The following POGLUT1 variants were observed in gnomAD, a reference collection of about 807,000 sequenced individuals.
POGLUT1 encodes 9630046K23Rik.
Under a neutral mutation model 61.3 loss-of-function variants are expected in POGLUT1, and 32 were observed. The observed-to-expected ratio is 0.52, with a 90% CI of 0.39 to 0.70. The LOEUF (loss-of-function observed/expected upper bound fraction) is 0.70. POGLUT1 is among the 30% of genes least tolerant of loss of function. The pLI is 0.00. For missense variants in POGLUT1, 411 were observed against 469.8 expected (o/e 0.87, Z 1.16); for synonymous variants, 158 against 158.2 (o/e 1.00, Z 0.01).
chr3:119,478,493 C>T (rs1219410554), intron 4 of POGLUT1: 10 of 446,836 alleles, frequency 2.2e-5, no homozygotes, highest in Middle Eastern at 3.3e-4. Flanking sequence ...GTAGGGACTT[C>T]GTGTTTGTTA....
At chr3:119,470,801 A>T (rs1183396384) in intron 2 of POGLUT1, among the ~76,000 whole-genome samples, 1 of 152,212 alleles carries the variant, frequency 6.6e-6, no homozygotes, top group Non-Finnish European at 1.5e-5. Context: ...TGCTTATGAT[A>T]CTTATTGAAA....
chr3:119,481,793 T>G (rs2081608400), intron 5 of POGLUT1, among the ~76,000 whole-genome samples: 1 of 152,242 alleles, frequency 6.6e-6, no homozygotes, highest in South Asian at 2.1e-4. Context: ...GGTTTCCAAG[T>G]GCATTATCCA....
intron 1 of POGLUT1, among the ~76,000 whole-genome samples, chr3:119,469,457 A>G (rs1342189675): frequency 6.6e-6 from 1 of 152,238 alleles, no homozygotes; most frequent in Non-Finnish European, 1.5e-5. Flanking sequence ...GTGTGTGTAT[A>G]TGCGTTGCCA....
chr3:119,469,169 G>T (rs776253172), intron 1 of POGLUT1, 63 bp downstream of exon 1: 6 of 1,314,570 alleles, frequency 4.6e-6, no homozygotes, highest in Non-Finnish European at 6.4e-6. Context: ...GTCCCGAGGC[G>T]CTCCCCCGCG....
At chr3:119,473,689 C>T (rs1407593815) in intron 3 of POGLUT1, among the ~76,000 whole-genome samples, 2 of 147,984 alleles carry the variant, frequency 1.4e-5, no homozygotes, top group African/African-American at 2.5e-5. Flanking sequence ...GAGAGAGAAT[C>T]TCACTCTGTC....
rs1424774886 is a variant in POGLUT1, at chr3:119,469,297, G to A, written c.85+191G>A. 3 of 599,170 alleles carry A rather than the reference G, an allele frequency of 5.0e-6. No individual in the cohort carries two copies. In the South Asian group the frequency reaches 5.9e-5, roughly 12 times the overall value. 37.1% of individuals were successfully genotyped at this position (599,170 alleles called of 1,614,324 possible). A position where few individuals can be genotyped will look rare whatever the true frequency, so the allele number is the denominator to read the frequency against. On this transcript the variant is annotated intron_variant, in intron 1 of 10. Coordinates refer to ENST00000295588, the MANE Select transcript of POGLUT1 (RefSeq NM_152305.3). ...GTCTCTGCTCCTGCTCTGGACCCTGGAGAGTAACCCATTCCCCGGAATTCA... is the reference window on the plus strand; with the variant it reads ...GTCTCTGCTCCTGCTCTGGACCCTGAAGAGTAACCCATTCCCCGGAATTCA...
In POGLUT1 at chr3:119,492,955, G is replaced by A. The variant is rs193061392; in HGVS notation, c.*517G>A. 2 of 152,694 alleles carry A rather than the reference G, an allele frequency of 1.3e-5. No individual in the cohort carries two copies. The highest frequency in any genetic ancestry group is 4.8e-5 in the African/African-American group (2 of 41,546). 9.5% of individuals were successfully genotyped at this position (152,694 alleles called of 1,614,324 possible). ...ATACTTGGGGATCATTCTCTGAATG[G>A]TCTAAGGAAGCGGTAGCCATGCCAT... is the stretch of plus-strand genomic sequence containing the variant. On this transcript the variant is annotated 3_prime_UTR_variant, in exon 11 of 11. Transcript: ENST00000295588.
chr3:119,486,600 C>A (rs1431216660), intron 6 of POGLUT1, among the ~76,000 whole-genome samples: 1 of 152,036 alleles, frequency 6.6e-6, no homozygotes, highest in Non-Finnish European at 1.5e-5. Flanking sequence ...AGACCAAATG[C>A]AAGCAAAGAA....
chr3:119,475,618 G>T (rs1392725884), intron 3 of POGLUT1, among the ~76,000 whole-genome samples: 2 of 152,110 alleles, frequency 1.3e-5, no homozygotes, highest in East Asian at 3.8e-4. Context: ...TTCAAGACCA[G>T]CCTGGCCAAC....
At chr3:119,469,517 GGAGTTCAATTT>G (rs2081442266) in intron 1 of POGLUT1, among the ~76,000 whole-genome samples, 1 of 152,230 alleles carries the variant, frequency 6.6e-6, no homozygotes. Context: ...TCCTCTTTGT[GGAGTTCAATTT>G]GATTAGTAGA....
In POGLUT1 at chr3:119,485,196, G is replaced by A. The variant is rs150790815; in HGVS notation, c.579-132G>A. ...CGCGCCACTGCACTCCAGCCTGGAC[G>A]ACAGTGCGAGACTCCGTCTCAAAAA... On this transcript the variant is annotated intron_variant, in intron 5 of 10. Coordinates refer to ENST00000295588, the MANE Select transcript of POGLUT1 (RefSeq NM_152305.3). 6.3e-4 allele frequency: 344 copies of A among 547,348 alleles called. 3 individuals are homozygous for A. Among genetic ancestry groups the A allele is most frequent in the African/African-American group, 6.2e-3 (310 of 50,216 alleles). 33.9% of individuals were successfully genotyped at this position (547,348 alleles called of 1,614,324 possible). A position where few individuals can be genotyped will look rare whatever the true frequency, so the allele number is the denominator to read the frequency against.
intron 4 of POGLUT1, chr3:119,478,320 T>G (rs1364047851): frequency 6.6e-6 from 3 of 456,088 alleles, no homozygotes; most frequent in Non-Finnish European, 1.3e-5. Flanking sequence ...TATCATAGTT[T>G]ACTTTCTCCC....
rs913883314 is a variant in POGLUT1 at position 119,470,705 on chromosome 3, G to T, written c.177-604G>T. On this transcript the variant is annotated intron_variant, in intron 2 of 10. Coordinates refer to ENST00000295588, the MANE Select transcript of POGLUT1 (RefSeq NM_152305.3). ...TGTGCCGAGCCACTTCAACTCCTCT[G>T]GGTCTCAGATTCTTCATCAGCTAAA... Among the ~76,000 whole-genome samples, 3 of 152,210 alleles carry T rather than the reference G, an allele frequency of 2.0e-5. 1 individual carries two copies. Among genetic ancestry groups the T allele is most frequent in the Non-Finnish European group, 4.4e-5 (3 of 68,040 alleles).
At chr3:119,478,168 C>T (rs988628431) in intron 4 of POGLUT1, 7 of 346,084 alleles carry the variant, frequency 2.0e-5, no homozygotes, top group Admixed American at 1.2e-4. Flanking sequence ...GGGGTGAAGG[C>T]AGGAAGGCTA....
intron 6 of POGLUT1, among the ~76,000 whole-genome samples, chr3:119,486,156 T>A (rs912710235): frequency 6.6e-6 from 1 of 152,222 alleles, no homozygotes; most frequent in Non-Finnish European, 1.5e-5. Flanking sequence ...TTCTTAAATC[T>A]TGAAGTCACA....
At chr3:119,481,540 T>G (rs1176894430) in intron 5 of POGLUT1, among the ~76,000 whole-genome samples, 2 of 152,254 alleles carry the variant, frequency 1.3e-5, no homozygotes, top group African/African-American at 4.8e-5. Context: ...TAATATTCCC[T>G]TCCTGAAGAA....
intron 5 of POGLUT1, 81 bp downstream of exon 5, chr3:119,480,253 T>C: frequency 4.8e-6 from 2 of 415,018 alleles, no homozygotes; most frequent in Non-Finnish European, 3.6e-6. Flanking sequence ...AATTATTTAC[T>C]TTTTTTTTTT....
chr3:119,485,642 G>A (rs2081656115), intron 6 of POGLUT1, among the ~76,000 whole-genome samples: 1 of 152,224 alleles, frequency 6.6e-6, no homozygotes. Context: ...TGTCACAAAT[G>A]TGTCGGTCAT....
At chr3:119,490,997 T>C (rs2081737531) in intron 9 of POGLUT1, among the ~76,000 whole-genome samples, 1 of 151,890 alleles carries the variant, frequency 6.6e-6, no homozygotes, top group African/African-American at 2.4e-5. Context: ...AGACTAAAGA[T>C]AGGGATATTC....
Sources: allele counts gnomAD v4.1 joint callset (sites outside exome capture counted in the v4.1 genomes callset), GRCh38; gene constraint gnomAD v4.1.1; transcripts MANE v1.5; gene names NCBI Gene and HGNC (gene_info 2026-07-23, HGNC 2026-07-21).